Variants in C4BPA observed in about 807,000 individuals in gnomAD.
C4BPA encodes the protein C4b-binding protein alpha chain.
A neutral mutation model predicts 63.7 loss-of-function variants in C4BPA; 31 were observed. That is an observed-to-expected ratio of 0.49 (90% CI 0.37 to 0.66). The LOEUF is 0.66. C4BPA is among the 30% of genes least tolerant of loss of function. The pLI, the probability that C4BPA is intolerant of heterozygous loss-of-function variation, is 0.00. For synonymous variants in C4BPA, 259 were observed against 254.7 expected (o/e 1.02, Z -0.16); for missense variants, 572 against 723.3 (o/e 0.79, Z 2.40).
At chr1:207,108,952 A>G (rs1489211368) in intron 1 of C4BPA, among the ~76,000 whole-genome samples, 1 of 151,834 alleles carries the variant, frequency 6.6e-6, no homozygotes, top group African/African-American at 2.4e-5. Flanking sequence ...TGAACTCCTG[A>G]CCTCGTGATC....
chr1:207,105,326 G>A (rs1684535929), intron 1 of C4BPA, among the ~76,000 whole-genome samples: 1 of 152,136 alleles, frequency 6.6e-6, no homozygotes, highest in South Asian at 2.1e-4. Context: ...GGGAGGCCGA[G>A]GCTGGCGGAT....
intron 9 of C4BPA, among the ~76,000 whole-genome samples, chr1:207,138,058 G>T (rs746932610): frequency 2.0e-5 from 3 of 152,166 alleles, no homozygotes; most frequent in African/African-American, 4.8e-5. Flanking sequence ...CGAGAGGAAG[G>T]GTCCATTCAG....
At chr1:207,107,017 C>T (rs1684575372) in intron 1 of C4BPA, among the ~76,000 whole-genome samples, 1 of 152,032 alleles carries the variant, frequency 6.6e-6, no homozygotes, top group Non-Finnish European at 1.5e-5. Context: ...CAATGTATTT[C>T]GGGAGGCAAA....
At position 207,144,747 on chromosome 1, in the gene C4BPA, C is replaced by G; in HGVS notation, c.*30C>G. ...TCTCAAAAGAAGGAGGAAAAGGTGT[C>G]TTGCTGGCTTGCCTCTTGCAATTCA... On this transcript the variant is annotated 3_prime_UTR_variant, in exon 12 of 12. Transcript: ENST00000367070. The G allele has an allele frequency of 6.6e-7, 1 of 1,525,070 alleles. No homozygotes were observed. The highest frequency in any genetic ancestry group is 8.9e-7 in the Non-Finnish European group (1 of 1,121,842). The allele number at this position is 1,525,070 out of a possible 1,614,324, so 94.5% of individuals were successfully genotyped here.
chr1:207,113,602 C>A (rs908489507), intron 2 of C4BPA, among the ~76,000 whole-genome samples: 15 of 152,208 alleles, frequency 9.9e-5, no homozygotes, highest in African/African-American at 3.6e-4. Context: ...CAAAATCAAA[C>A]AGATGTAAAA....
At chr1:207,120,060 C>G (rs1190998517) in intron 4 of C4BPA, among the ~76,000 whole-genome samples, 1 of 152,028 alleles carries the variant, frequency 6.6e-6, no homozygotes, top group Non-Finnish European at 1.5e-5. Flanking sequence ...TCTGGGTGCC[C>G]TGCATTCCAG....
intron 1 of C4BPA, among the ~76,000 whole-genome samples, chr1:207,111,327 G>A (rs1283310176): frequency 6.6e-6 from 1 of 152,238 alleles, no homozygotes; most frequent in Non-Finnish European, 1.5e-5. Flanking sequence ...CAAAGTCTGT[G>A]AACACATTTC....
In C4BPA at chr1:207,134,552, A is replaced by G. The variant is rs767698023; in HGVS notation, c.1233A>G (p.Gly411=). The G allele has an allele frequency of 6.2e-7, 1 of 1,613,774 alleles. No homozygotes were observed. Among genetic ancestry groups the G allele is most frequent in the South Asian group, 1.1e-5 (1 of 91,076 alleles). Residue 411 remains glycine, a synonymous_variant, in exon 9 of 12, where the codon GGA becomes GGG. Coordinates refer to ENST00000367070, the MANE Select transcript of C4BPA (RefSeq NM_000715.4). ...GTAGGTTTTCAGCTATATGCCAAGG[A>G]GATGGCACGTGGAGTCCCCGAACAC... is the stretch of plus-strand genomic sequence containing the variant. ...ETSRFSAICQ[G]DGTWSPRTPS...
At position 207,144,899 on chromosome 1, in the gene C4BPA, T is replaced by G. The variant is rs759439477; in HGVS notation, c.*182T>G. 5.3e-6 allele frequency: 2 copies of G among 377,316 alleles called. No individual in the cohort carries two copies. The highest frequency in any genetic ancestry group is 9.2e-6 in the Non-Finnish European group (2 of 217,186). The allele number at this position is 377,316 out of a possible 1,614,324, so 23.4% of individuals were successfully genotyped here. On this transcript the variant is annotated 3_prime_UTR_variant, in exon 12 of 12. Coordinates refer to ENST00000367070, the MANE Select transcript of C4BPA (RefSeq NM_000715.4). Reference sequence around the variant, plus strand: ...GTGAAATTATTAATCATCCTCTGTGTGGCTCATGTTTTTGCTTTTCAACAC... The same window carrying G: ...GTGAAATTATTAATCATCCTCTGTGGGGCTCATGTTTTTGCTTTTCAACAC...
intron 4 of C4BPA, among the ~76,000 whole-genome samples, chr1:207,116,556 G>GTGTATGTATA (rs1248859790): frequency 2.0e-5 from 3 of 147,202 alleles, no homozygotes; most frequent in Non-Finnish European, 3.0e-5. Context: ...GTGTGTGTGT[G>GTGTATGTATA]TGTATAATGT....
intron 4 of C4BPA, among the ~76,000 whole-genome samples, chr1:207,121,950 T>A (rs1352923096): frequency 6.6e-6 from 1 of 152,168 alleles, no homozygotes. Flanking sequence ...ATGGTTGCTT[T>A]CATTCTCAAC....
intron 4 of C4BPA, among the ~76,000 whole-genome samples, chr1:207,121,226 A>G (rs1196547587): frequency 3.3e-5 from 5 of 152,178 alleles, no homozygotes; most frequent in Non-Finnish European, 7.3e-5. Flanking sequence ...TAACCATTAT[A>G]AAATAATTTA....
chr1:207,134,595 A>G lies in C4BPA; in HGVS notation c.1273+3A>G. Reference sequence around the variant, plus strand: ...CCGAACACCATCATGTGGAGACAGTAAGAGTTCATAGAATTATCTTATTCT... The same window carrying G: ...CCGAACACCATCATGTGGAGACAGTGAGAGTTCATAGAATTATCTTATTCT... On this transcript the variant is annotated splice_donor_region_variant and intron_variant, in intron 9 of 11. Transcript: ENST00000367070. The G allele has an allele frequency of 6.3e-7, 1 of 1,598,616 alleles. No homozygotes were observed. Among genetic ancestry groups the G allele is most frequent in the South Asian group, 1.1e-5 (1 of 89,746 alleles).
intron 2 of C4BPA, 51 bp from the exon 3 acceptor site, chr1:207,114,049 G>C (rs1279486656): frequency 6.9e-7 from 1 of 1,452,816 alleles, no homozygotes; most frequent in Non-Finnish European, 9.5e-7. Flanking sequence ...ACAATAAGAT[G>C]CTGTGTCCCA....
Position 207,139,439 on chromosome 1 carries a change from T to C in C4BPA, c.1274-1667T>C, listed in dbSNP as rs1685363226. ...CCTGGGAGATATTGTGGTGGTGTTT[T>C]TTTCTTTAAATTTACTTTATTTGCC... is the stretch of plus-strand genomic sequence containing the variant. On this transcript the variant is annotated intron_variant, in intron 9 of 11. Transcript: ENST00000367070. 3.3e-5 allele frequency among the ~76,000 whole-genome samples: 5 copies of C among 152,150 alleles called. No individual in the cohort carries two copies. The South Asian group carries it at 1.0e-3, about 32-fold the overall frequency.
At chr1:207,131,459 C>T (rs1685156843) in intron 7 of C4BPA, 87 bp from the exon 8 acceptor site, 2 of 871,956 alleles carry the variant, frequency 2.3e-6, no homozygotes, top group East Asian at 2.6e-5. Flanking sequence ...AACGTATGAC[C>T]CCCTTTGATA....
At chr1:207,106,494 C>T (rs1478744268) in intron 1 of C4BPA, among the ~76,000 whole-genome samples, 6 of 126,936 alleles carry the variant, frequency 4.7e-5, no homozygotes, top group Admixed American at 1.6e-4. Context: ...GACTGGAGTG[C>T]GGTGGTGCAA....
Position 207,124,647 on chromosome 1 carries a change from C to T in C4BPA, c.706+281C>T, listed in dbSNP as rs566073720. On this transcript the variant is annotated intron_variant, in intron 6 of 11. Transcript: ENST00000367070. ...AAGTAAAAGTTTATTCTCATTTACA[C>T]TGAGTTTGTTCCATGTCCAGGAGAC... Among the ~76,000 whole-genome samples, 4 of 152,308 alleles carry T rather than the reference C, an allele frequency of 2.6e-5. No individual in the cohort carries two copies. The East Asian group carries it at 5.8e-4, about 22-fold the overall frequency.
chr1:207,135,426 T>C (rs1685261284), intron 9 of C4BPA, among the ~76,000 whole-genome samples: 1 of 152,164 alleles, frequency 6.6e-6, no homozygotes, highest in Admixed American at 6.5e-5. Context: ...GAGGGCTCAT[T>C]ACCCCTATTA....
Sources: gnomAD v4.1 joint callset for allele counts (sites outside exome capture counted in the v4.1 genomes callset) on GRCh38, gnomAD v4.1.1 for gene constraint, MANE v1.5 for transcripts, NCBI Gene and HGNC (gene_info 2026-07-23, HGNC 2026-07-21) for gene names.